Variants in ADAMTSL3 observed in about 807,000 individuals in gnomAD.
ADAMTSL3 encodes the protein ADAMTS-like protein 3.
A neutral mutation model predicts 201.7 loss-of-function variants in ADAMTSL3; 128 were observed. The ratio of observed to expected loss-of-function variants is 0.63; its 90% CI spans 0.55 to 0.73. The LOEUF (loss-of-function observed/expected upper bound fraction) is 0.73. Ranked by LOEUF, ADAMTSL3 falls within the 30% of genes least tolerant of loss-of-function variation. ADAMTSL3 has a pLI of 0.00. For missense variants in ADAMTSL3, 1,990 were observed against 2,119.6 expected, an observed-to-expected ratio of 0.94 and a Z score of 1.20; for synonymous variants, 738 against 748.4, an observed-to-expected ratio of 0.99 and a Z score of 0.23.
chr15:83,848,277 A>G (rs976770383), intron 7 of ADAMTSL3, among the ~76,000 whole-genome samples: 1 of 152,244 alleles, frequency 6.6e-6, no homozygotes, highest in Non-Finnish European at 1.5e-5. Flanking sequence ...CTTGGAATGT[A>G]TATATTTAGG....
intron 8 of ADAMTSL3, chr15:83,862,874 C>A (rs1022255826): frequency 2.6e-5 from 4 of 152,100 alleles, no homozygotes; most frequent in African/African-American, 9.7e-5. Flanking sequence ...TCAGGAAACC[C>A]ATCTCACGTG....
In ADAMTSL3 at chr15:84,038,382, C is replaced by T. The variant is rs1221535777; in HGVS notation, c.*576C>T. On this transcript the variant is annotated 3_prime_UTR_variant, in exon 30 of 30. Transcript: ENST00000286744. The stretch of plus-strand genomic sequence containing the variant: ...TGACTGACCTAAGGGTTCATGGAAG[C>T]ATGGCATCTTGTCCTTGCTTTTAGA... 9 of 152,350 alleles carry T rather than the reference C, an allele frequency of 5.9e-5. No homozygotes were observed. Among genetic ancestry groups the T allele is most frequent in the Admixed American group, 5.9e-4 (9 of 15,280 alleles). The allele number at this position is 152,350 out of a possible 1,614,324, so 9.4% of individuals were successfully genotyped here.
chr15:83,902,058 A>G (rs1476754871), intron 15 of ADAMTSL3, among the ~76,000 whole-genome samples: 1 of 152,132 alleles, frequency 6.6e-6, no homozygotes, highest in Admixed American at 6.5e-5. Context: ...CTGATGTGTA[A>G]TTAGCCACTG....
At chr15:83,850,650 C>G (rs1229335031) in intron 7 of ADAMTSL3, among the ~76,000 whole-genome samples, 1 of 152,046 alleles carries the variant, frequency 6.6e-6, no homozygotes, top group Non-Finnish European at 1.5e-5. Context: ...CAATGTATTC[C>G]TCAGATCACA....
intron 6 of ADAMTSL3, among the ~76,000 whole-genome samples, chr15:83,822,668 A>G (rs2063908697): frequency 6.7e-6 from 1 of 148,992 alleles, no homozygotes; most frequent in Non-Finnish European, 1.5e-5. Flanking sequence ...CTCACTTCCT[A>G]GATGGGATGG....
intron 6 of ADAMTSL3, 109 bp from the exon 7 acceptor site, chr15:83,837,980 A>G: frequency 7.4e-7 from 1 of 1,359,014 alleles, no homozygotes; most frequent in Non-Finnish European, 9.9e-7. Context: ...CATAAAAGAG[A>G]GCCAAACTGT....
At chr15:83,951,201 C>CT (rs57418721) in intron 19 of ADAMTSL3, among the ~76,000 whole-genome samples, 54,612 of 151,048 alleles carry the variant, frequency 0.36, 10,914 homozygotes, top group African/African-American at 0.51. Flanking sequence ...TTCTATACTC[C>CT]TTTTTTTTAG....
At chr15:83,824,718 GAGTTGGAATCATATA>G (rs1314193249) in intron 6 of ADAMTSL3, 1 of 152,100 alleles carries the variant, frequency 6.6e-6, no homozygotes, top group African/African-American at 2.4e-5. Context: ...GAATGTCACA[GAGTTGGAATCATATA>G]GTATGTAGCC....
intron 26 of ADAMTSL3, 82 bp downstream of exon 26, chr15:84,021,675 T>C: frequency 6.8e-7 from 1 of 1,464,440 alleles, no homozygotes; most frequent in African/African-American, 1.4e-5. Context: ...ACATAATAAT[T>C]CAATAGCTAA....
chr15:83,861,838 G>C (rs987222893), intron 8 of ADAMTSL3: 4 of 152,230 alleles, frequency 2.6e-5, no homozygotes, highest in African/African-American at 9.6e-5. Flanking sequence ...AAAGGAGGAA[G>C]TCCGAACCCA....
intron 3 of ADAMTSL3, among the ~76,000 whole-genome samples, chr15:83,756,146 C>T (rs925955617): frequency 4.6e-5 from 7 of 152,158 alleles, no homozygotes; most frequent in African/African-American, 1.2e-4. Flanking sequence ...GAGGAACTAC[C>T]GTAATGTTTT....
rs560157039 is a variant in ADAMTSL3 at position 83,976,829 on chromosome 15, G to T, written c.2645-5444G>T. 6.0e-4 allele frequency among the ~76,000 whole-genome samples: 92 copies of T among 152,248 alleles called. 1 individual carries two copies. The highest frequency in any genetic ancestry group is 9.4e-4 in the Non-Finnish European group (64 of 68,016). ...CTGCTGTGAGGCCTGATTCCTAACAGGGGGTTCGGTGGTTGGGGACCCATG... is the reference window on the plus strand; with the variant it reads ...CTGCTGTGAGGCCTGATTCCTAACATGGGGTTCGGTGGTTGGGGACCCATG... On this transcript the variant is annotated intron_variant, in intron 20 of 29. Coordinates refer to ENST00000286744, the MANE Select transcript of ADAMTSL3 (RefSeq NM_207517.3).
chr15:83,714,656 T>TCTCCCTTC lies in ADAMTSL3; in HGVS notation c.189+10155_189+10162dup, dbSNP rs2061976376. On this transcript the variant is annotated intron_variant, in intron 3 of 29. Transcript: ENST00000286744. ...CCTCCTGCTTTCCTTTCTTTCTCTC[T>TCTCCCTTC]CTCCCTTCCTCCCTCCCTCCCTCCC... 5.3e-5 allele frequency among the ~76,000 whole-genome samples: 8 copies of TCTCCCTTC among 151,476 alleles called. No individual in the cohort carries two copies. The South Asian group carries it at 1.7e-3, about 32-fold the overall frequency.
At position 83,995,057 on chromosome 15, in the gene ADAMTSL3, G is replaced by A. The variant is rs183252366; in HGVS notation, c.3973+3843G>A. On this transcript the variant is annotated intron_variant, in intron 23 of 29. Transcript: ENST00000286744. ...CTTGAAACATATGTGACTTATTAGA[G>A]TTGTCCCAGGCTGACCCACAGTGGC... Among the ~76,000 whole-genome samples the A allele has an allele frequency of 1.2e-4, 18 of 152,262 alleles. No individual in the cohort carries two copies. The East Asian group carries it at 1.9e-3, about 16-fold the overall frequency.
chr15:84,000,417 C>G (rs1028611894), intron 23 of ADAMTSL3, among the ~76,000 whole-genome samples: 1 of 152,178 alleles, frequency 6.6e-6, no homozygotes, highest in African/African-American at 2.4e-5. Flanking sequence ...AATCTTCCCA[C>G]TATCCTCTCT....
chr15:83,880,455 T>TA (rs1021961213), intron 9 of ADAMTSL3, among the ~76,000 whole-genome samples: 17 of 152,298 alleles, frequency 1.1e-4, no homozygotes, highest in African/African-American at 4.1e-4. Context: ...TGCACTATAC[T>TA]AGCAGAATTG....
In ADAMTSL3 at chr15:83,720,536, C is replaced by G. The variant is rs150870729; in HGVS notation, c.189+16028C>G. On this transcript the variant is annotated intron_variant, in intron 3 of 29. Transcript: ENST00000286744. Reference sequence around the variant, plus strand: ...AAAAGCATCCCCGTGATACTTCACACATTCTGACACCAGAACATGTTTGAG... The same window carrying G: ...AAAAGCATCCCCGTGATACTTCACAGATTCTGACACCAGAACATGTTTGAG... Among the ~76,000 whole-genome samples the G allele has an allele frequency of 2.2e-3, 328 of 152,248 alleles. 2 individuals are homozygous for G. The highest frequency in any genetic ancestry group is 7.7e-3 in the African/African-American group (319 of 41,550).
intron 5 of ADAMTSL3, 121 bp from the exon 6 acceptor site, chr15:83,819,690 G>A: frequency 1.4e-6 from 1 of 708,168 alleles, no homozygotes; most frequent in South Asian, 1.8e-5. Flanking sequence ...GAGGGAATTA[G>A]GTGACTCCCA....
In ADAMTSL3 at chr15:83,975,686, CAT is replaced by C. The variant is rs1331926159; in HGVS notation, c.2644+5050_2644+5051del. 3.3e-5 allele frequency among the ~76,000 whole-genome samples: 5 copies of C among 152,154 alleles called. No homozygotes were observed. The East Asian group carries it at 9.7e-4, about 29-fold the overall frequency. On this transcript the variant is annotated intron_variant, in intron 20 of 29. Transcript: ENST00000286744. ...ATGACATGTCTGTTCATCGGGCCCA[CAT>C]GTGGGTAGATACAGAAGAATGTGAG...
Sources: gnomAD v4.1 joint callset for allele counts (sites outside exome capture counted in the v4.1 genomes callset) on GRCh38, gnomAD v4.1.1 for gene constraint, MANE v1.5 for transcripts, NCBI Gene and HGNC (gene_info 2026-07-23, HGNC 2026-07-21) for gene names.